Variants in RXRA observed in about 807,000 individuals in gnomAD.
RXRA encodes the protein retinoid X receptor alpha.
A neutral mutation model predicts 44.5 loss-of-function variants in RXRA; 5 were observed. The observed-to-expected ratio is 0.11, with a 90% CI of 0.06 to 0.24. The LOEUF (loss-of-function observed/expected upper bound fraction) is 0.24. Among genes scored for constraint, RXRA ranks in the 10% least tolerant of loss-of-function variants. The probability of loss-of-function intolerance (pLI) is 1.00; values close to 1 mark genes in which losing one functional copy is unlikely to be tolerated. For missense variants in RXRA, 412 were observed against 646.5 expected, an observed-to-expected ratio of 0.64 and a Z score of 3.93; for synonymous variants, 291 against 271.4, an observed-to-expected ratio of 1.07 and a Z score of -0.71.
At chr9:134,384,186 G>T (rs1002516780) in intron 1 of RXRA, among the ~76,000 whole-genome samples, 1 of 151,474 alleles carries the variant, frequency 6.6e-6, no homozygotes, top group Admixed American at 6.6e-5. Context: ...GTGTCACCCC[G>T]GTTGGGGGGG....
intron 4 of RXRA, among the ~76,000 whole-genome samples, chr9:134,414,123 G>C (rs533891114): frequency 2.5e-4 from 38 of 152,348 alleles, no homozygotes; most frequent in African/African-American, 8.7e-4. Context: ...TATAAATAAA[G>C]CGATCATATT....
At position 134,417,648 on chromosome 9, in the gene RXRA, G is replaced by A. The variant is rs984377342; in HGVS notation, c.780+321G>A. Among the ~76,000 whole-genome samples the A allele has an allele frequency of 2.7e-4, 41 of 152,054 alleles. No homozygotes were observed. The highest frequency in any genetic ancestry group is 9.7e-4 in the African/African-American group (40 of 41,402). Reference sequence around the variant, plus strand: ...GGGGCCTCAGCCGCCGTGTCCCCTCGGAGTTTGGCCTGTCTCGGTGCAGAG... The same window carrying A: ...GGGGCCTCAGCCGCCGTGTCCCCTCAGAGTTTGGCCTGTCTCGGTGCAGAG... On this transcript the variant is annotated intron_variant, in intron 5 of 9. Coordinates refer to ENST00000481739, the MANE Select transcript of RXRA (RefSeq NM_002957.6). This position sits in a 1 kb window ranked among gnomAD's most constrained non-coding sequence, Gnocchi z 6.1.
chr9:134,383,988 A>G (rs1564279473), intron 1 of RXRA, among the ~76,000 whole-genome samples: 1 of 152,082 alleles, frequency 6.6e-6, no homozygotes, highest in Non-Finnish European at 1.5e-5. Context: ...TTATGAGACT[A>G]GCATGTGCCT....
intron 1 of RXRA, among the ~76,000 whole-genome samples, chr9:134,391,770 G>A (rs1001383136): frequency 6.6e-6 from 1 of 152,210 alleles, no homozygotes; most frequent in Non-Finnish European, 1.5e-5. Context: ...CCTGGTGGTC[G>A]AGGGGTGGCC....
At chr9:134,390,653 C>G (rs754153510) in intron 1 of RXRA, among the ~76,000 whole-genome samples, 1 of 152,202 alleles carries the variant, frequency 6.6e-6, no homozygotes, top group African/African-American at 2.4e-5. Context: ...GGGCTGGTGT[C>G]GTTGAGCTCC....
At chr9:134,357,447 G>C (rs1830296859) in intron 1 of RXRA, among the ~76,000 whole-genome samples, 2 of 152,158 alleles carry the variant, frequency 1.3e-5, no homozygotes, top group South Asian at 4.1e-4. Context: ...GTGGGCCTCA[G>C]ATTTCTCGCC....
chr9:134,370,731 C>T (rs1162618656), intron 1 of RXRA, among the ~76,000 whole-genome samples: 1 of 151,954 alleles, frequency 6.6e-6, no homozygotes, highest in Non-Finnish European at 1.5e-5. Flanking sequence ...GCAGCGTCCA[C>T]CCCATGCAGT....
At position 134,343,836 on chromosome 9, in the gene RXRA, G is replaced by A. The variant is rs1375861764; in HGVS notation, c.28+17177G>A. ...ACTGTGGGGAAGAGTGTTTCTTCCC[G>A]GAAGGCGGGGCCAGCTGGCTGGGTC... is the stretch of plus-strand genomic sequence containing the variant. On this transcript the variant is annotated intron_variant, in intron 1 of 9. Coordinates refer to ENST00000481739, the MANE Select transcript of RXRA (RefSeq NM_002957.6). This position sits in a 1 kb window ranked among gnomAD's most constrained non-coding sequence, Gnocchi z 4.1. 4.6e-5 allele frequency among the ~76,000 whole-genome samples: 7 copies of A among 152,228 alleles called. No homozygotes were observed. The highest frequency in any genetic ancestry group is 3.4e-3 in the Middle Eastern group (1 of 294).
At position 134,398,188 on chromosome 9, in the gene RXRA, C is replaced by T. The variant is rs187986194; in HGVS notation, c.29-3444C>T. On this transcript the variant is annotated intron_variant, in intron 1 of 9. Transcript: ENST00000481739. ...AGAGATGGGGTTTTGCCATGTTGGCCAGGCTGGTCTTGAATTCCTGACCTC... is the reference window on the plus strand; with the variant it reads ...AGAGATGGGGTTTTGCCATGTTGGCTAGGCTGGTCTTGAATTCCTGACCTC... Among the ~76,000 whole-genome samples the T allele has an allele frequency of 5.8e-3, 888 of 152,250 alleles. 3 individuals carry two copies. The highest frequency in any genetic ancestry group is 9.4e-3 in the Non-Finnish European group (641 of 68,026).
intron 1 of RXRA, among the ~76,000 whole-genome samples, chr9:134,362,770 A>G (rs961797956): frequency 6.6e-6 from 1 of 152,158 alleles, no homozygotes; most frequent in African/African-American, 2.4e-5. Context: ...TCGGCCCCTC[A>G]TGTGGTCCCG....
chr9:134,415,334 G>A (rs1266138555), intron 4 of RXRA, among the ~76,000 whole-genome samples: 3 of 152,102 alleles, frequency 2.0e-5, no homozygotes, highest in African/African-American at 7.2e-5. Context: ...GCAGAGCCCC[G>A]AGACGGCTGC....
In RXRA at chr9:134,408,144, C is replaced by A. The variant is rs374813229; in HGVS notation, c.280-5C>A. 1.0e-4 allele frequency: 154 copies of A among 1,546,880 alleles called. 1 individual carries two copies. In the Admixed American group the frequency reaches 1.1e-3, roughly 11 times the overall value. On this transcript the variant is annotated splice_polypyrimidine_tract_variant and splice_region_variant and intron_variant, in intron 2 of 9. Coordinates refer to ENST00000481739, the MANE Select transcript of RXRA (RefSeq NM_002957.6). ...CCCGCTGACTGCTGTGGTTGCCCCC[C>A]CCAGCTCAGCTCACCTATGAACCCC...
chr9:134,329,570 A>G (rs1834971405), intron 1 of RXRA, among the ~76,000 whole-genome samples: 1 of 152,210 alleles, frequency 6.6e-6, no homozygotes, highest in African/African-American at 2.4e-5. Flanking sequence ...CTGGGCCCCT[A>G]GGAAGGGCTG....
chr9:134,393,436 C>T (rs1176815629), intron 1 of RXRA, among the ~76,000 whole-genome samples: 1 of 152,180 alleles, frequency 6.6e-6, no homozygotes, highest in East Asian at 1.9e-4. Flanking sequence ...GTGGTTCAGG[C>T]AGCCTGGTCC....
At chr9:134,376,331 C>A (rs35233014) in intron 1 of RXRA, among the ~76,000 whole-genome samples, 100,536 of 151,910 alleles carry the variant, frequency 0.66, 34,328 homozygotes, top group East Asian at 0.81. Flanking sequence ...TGTGTGTGTG[C>A]CTCGTGCTCT....
chr9:134,380,881 T>TC (rs1296672380), intron 1 of RXRA, among the ~76,000 whole-genome samples: 2 of 151,512 alleles, frequency 1.3e-5, no homozygotes, highest in Admixed American at 6.6e-5. Context: ...CATGGCCGGA[T>TC]CCCCCCCTGT....
chr9:134,327,808 A>C (rs1554746211), intron 1 of RXRA, among the ~76,000 whole-genome samples: 1 of 152,120 alleles, frequency 6.6e-6, no homozygotes, highest in Non-Finnish European at 1.5e-5. Context: ...TCTGCTACTC[A>C]CAGGCAGGTG....
At chr9:134,421,980 T>A in intron 6 of RXRA, 175 bp downstream of exon 6, 1 of 1,398,340 alleles carries the variant, frequency 7.2e-7, no homozygotes, top group Non-Finnish European at 9.3e-7. Context: ...TGGGACACAC[T>A]CCTACCTCCC....
At chr9:134,395,680 G>A (rs555187400) in intron 1 of RXRA, among the ~76,000 whole-genome samples, 7 of 152,336 alleles carry the variant, frequency 4.6e-5, no homozygotes, top group African/African-American at 1.7e-4. Context: ...GTGGGGGGCT[G>A]GACCTCCCCA....
Sources: gnomAD v4.1 joint callset for allele counts (sites outside exome capture counted in the v4.1 genomes callset) on GRCh38, gnomAD v4.1.1 for gene constraint, Gnocchi (gnomAD v3.1) non-coding constraint, MANE v1.5 for transcripts, NCBI Gene and HGNC (gene_info 2026-07-23, HGNC 2026-07-21) for gene names.